Variants in MRPL1 observed in about 807,000 individuals in gnomAD.
MRPL1 encodes the protein large ribosomal subunit protein uL1m.
In MRPL1, 28 loss-of-function variants were observed where a neutral mutation model predicts 38.0. That is an observed-to-expected ratio of 0.74 (90% CI 0.55 to 1.01). The LOEUF (loss-of-function observed/expected upper bound fraction) is 1.01. MRPL1 is among the 50% of genes least tolerant of loss of function. The pLI, the probability that MRPL1 is intolerant of heterozygous loss-of-function variation, is 0.00. For missense variants in MRPL1, 358 were observed against 389.8 expected, an observed-to-expected ratio of 0.92 and a Z score of 0.69; for synonymous variants, 123 against 126.7, an observed-to-expected ratio of 0.97 and a Z score of 0.20.
intron 1 of MRPL1, among the ~76,000 whole-genome samples, chr4:77,864,000 G>GT (rs34560176): frequency 1.5e-3 from 194 of 125,834 alleles, no homozygotes; most frequent in South Asian, 8.6e-3. Context: ...CTGCATCACA[G>GT]TTTTTTTTTT....
intron 7 of MRPL1, among the ~76,000 whole-genome samples, chr4:77,947,342 T>C (rs1459419192): frequency 6.6e-6 from 1 of 152,226 alleles, no homozygotes; most frequent in Non-Finnish European, 1.5e-5. Context: ...ATAATCACTT[T>C]AGTTAAACAT....
At chr4:77,945,566 C>A (rs1181333260) in intron 7 of MRPL1, among the ~76,000 whole-genome samples, 2 of 151,848 alleles carry the variant, frequency 1.3e-5, no homozygotes, top group African/African-American at 4.8e-5. Context: ...ACATTGTAAT[C>A]CTTTATCGGG....
At chr4:77,864,084 TAAC>T (rs970489071) in intron 1 of MRPL1, among the ~76,000 whole-genome samples, 6 of 150,400 alleles carry the variant, frequency 4.0e-5, no homozygotes, top group African/African-American at 1.5e-4. Context: ...TGACAAGAGA[TAAC>T]AACAGACCCT....
At chr4:77,917,370 C>T (rs1736445897) in intron 7 of MRPL1, among the ~76,000 whole-genome samples, 2 of 152,098 alleles carry the variant, frequency 1.3e-5, no homozygotes, top group Non-Finnish European at 2.9e-5. Context: ...ACTGAGATTG[C>T]CTGGCATTTG....
At chr4:77,867,650 T>C (rs1735176188) in intron 1 of MRPL1, among the ~76,000 whole-genome samples, 3 of 152,040 alleles carry the variant, frequency 2.0e-5, no homozygotes, top group Admixed American at 2.0e-4. Context: ...TCTTCTGAAG[T>C]GCTGGCATTA....
intron 2 of MRPL1, among the ~76,000 whole-genome samples, chr4:77,877,905 G>C (rs963462587): frequency 6.6e-6 from 1 of 151,590 alleles, no homozygotes; most frequent in Non-Finnish European, 1.5e-5. Flanking sequence ...CAACTGGCTG[G>C]GGGGTGGGGG....
chr4:77,939,417 T>C (rs1328451712), intron 7 of MRPL1, among the ~76,000 whole-genome samples: 5 of 152,196 alleles, frequency 3.3e-5, no homozygotes, highest in Admixed American at 3.3e-4. Flanking sequence ...TTCTTTGAGT[T>C]TCTTCTAGAT....
intron 7 of MRPL1, among the ~76,000 whole-genome samples, chr4:77,946,675 G>T (rs1444983483): frequency 6.6e-6 from 1 of 152,166 alleles, no homozygotes; most frequent in East Asian, 1.9e-4. Context: ...GCTCCAGCCA[G>T]TCCCTCCCCT....
At chr4:77,914,464 T>A (rs533694774) in intron 7 of MRPL1, among the ~76,000 whole-genome samples, 1 of 152,278 alleles carries the variant, frequency 6.6e-6, no homozygotes, top group Non-Finnish European at 1.5e-5. Context: ...ATGCAAAGTA[T>A]GCCTCTATAA....
intron 2 of MRPL1, among the ~76,000 whole-genome samples, chr4:77,877,255 G>A (rs1420444639): frequency 6.6e-6 from 1 of 152,202 alleles, no homozygotes; most frequent in Non-Finnish European, 1.5e-5. Flanking sequence ...GATATGTTGT[G>A]TAGGGACTGA....
intron 7 of MRPL1, among the ~76,000 whole-genome samples, chr4:77,937,509 C>G (rs972881994): frequency 6.6e-6 from 1 of 152,176 alleles, no homozygotes; most frequent in African/African-American, 2.4e-5. Context: ...TCTACTTCCC[C>G]GCCCATATTT....
chr4:77,878,945 G>C (rs1205861653), intron 2 of MRPL1, among the ~76,000 whole-genome samples: 1 of 152,172 alleles, frequency 6.6e-6, no homozygotes, highest in Non-Finnish European at 1.5e-5. Flanking sequence ...TTGGGAGACA[G>C]ATGAGACAGG....
chr4:77,897,974 G>T (rs1336680894), intron 6 of MRPL1, among the ~76,000 whole-genome samples: 1 of 152,150 alleles, frequency 6.6e-6, no homozygotes, highest in Non-Finnish European at 1.5e-5. Context: ...AGCTGGTTCT[G>T]TTATGCTTTC....
chr4:77,932,948 GA>G lies in MRPL1; in HGVS notation c.778-16839del, dbSNP rs535199673. ...GGAACTTTCCTTTTTTAAAAAAAAAGAAAAAAAAAAGGAATTTTGTTTGCGA... is the reference window on the plus strand; with the variant it reads ...GGAACTTTCCTTTTTTAAAAAAAAAGAAAAAAAAAGGAATTTTGTTTGCGA... On this transcript the variant is annotated intron_variant, in intron 7 of 8. Transcript: ENST00000315567. Among the ~76,000 whole-genome samples the G allele has an allele frequency of 1.3e-3, 193 of 144,500 alleles. 1 individual carries two copies. Among genetic ancestry groups the G allele is most frequent in the African/African-American group, 4.5e-3 (175 of 39,306 alleles). The allele number at this position is 144,500 out of a possible 152,430, so 94.8% of individuals were successfully genotyped here.
chr4:77,947,642 G>GACA (rs1416095077), intron 7 of MRPL1, among the ~76,000 whole-genome samples: 32 of 152,156 alleles, frequency 2.1e-4, no homozygotes, highest in Non-Finnish European at 3.4e-4. Context: ...TTGCTTTCCT[G>GACA]AGTTCTCTCT....
chr4:77,868,402 G>C (rs1376449809), intron 1 of MRPL1, among the ~76,000 whole-genome samples: 1 of 151,824 alleles, frequency 6.6e-6, no homozygotes, highest in African/African-American at 2.4e-5. Flanking sequence ...ACCACACCCG[G>C]CTAATTTTTT....
intron 2 of MRPL1, among the ~76,000 whole-genome samples, chr4:77,872,148 G>C (rs1472006893): frequency 2.6e-5 from 4 of 152,070 alleles, no homozygotes; most frequent in African/African-American, 9.7e-5. Context: ...TATATAACTA[G>C]CCCAAGGTCA....
At chr4:77,946,011 A>G (rs1167882788) in intron 7 of MRPL1, among the ~76,000 whole-genome samples, 1 of 152,098 alleles carries the variant, frequency 6.6e-6, no homozygotes, top group African/African-American at 2.4e-5. Flanking sequence ...AACTAGTCTG[A>G]CCTCAAATTC....
At chr4:77,902,080 A>T (rs1272959241) in intron 6 of MRPL1, among the ~76,000 whole-genome samples, 1 of 152,238 alleles carries the variant, frequency 6.6e-6, no homozygotes, top group Non-Finnish European at 1.5e-5. Context: ...TAAAATGAAA[A>T]AGCCCACTAG....
Sources: allele counts gnomAD v4.1 joint callset (sites outside exome capture counted in the v4.1 genomes callset), GRCh38; gene constraint gnomAD v4.1.1; transcripts MANE v1.5; gene names NCBI Gene and HGNC (gene_info 2026-07-23, HGNC 2026-07-21).